Variants in CLDN16 observed in about 807,000 individuals in gnomAD.
CLDN16 encodes claudin-16.
CLDN16 carries 13 observed loss-of-function variants against 24.6 expected under a neutral mutation model. That is an observed-to-expected ratio of 0.53 (90% confidence interval 0.34 to 0.84). The LOEUF is 0.84. Ranked by LOEUF, CLDN16 falls within the 40% of genes least tolerant of loss-of-function variation. CLDN16 has a pLI of 0.01. For synonymous variants in CLDN16, 116 were observed against 106.7 expected (o/e 1.09, Z -0.54); for missense variants, 298 against 292.7 (o/e 1.02, Z -0.13).
intron 3 of CLDN16, among the ~76,000 whole-genome samples, chr3:190,407,202 T>G (rs1719128502): frequency 6.6e-6 from 1 of 152,156 alleles, no homozygotes; most frequent in African/African-American, 2.4e-5. Flanking sequence ...AGACAAATAT[T>G]TCTCTCATTA....
chr3:190,314,416 A>C, the CLDN16 span, among the ~76,000 whole-genome samples: 1 of 152,102 alleles, frequency 6.6e-6, no homozygotes, highest in African/African-American at 2.4e-5. Context: ...TTTTTTTGAG[A>C]TAGAGTCTTG....
chr3:190,383,053 A>C (rs1425113), intron 3 of CLDN16, among the ~76,000 whole-genome samples: 32,314 of 152,048 alleles, frequency 0.21, 4,040 homozygotes, highest in East Asian at 0.45. Context: ...AATCCACTAG[A>C]CAATAAAGAC....
chr3:190,351,446 A>G (rs1239330302), intron 1 of CLDN16, among the ~76,000 whole-genome samples: 2 of 152,168 alleles, frequency 1.3e-5, no homozygotes, highest in Non-Finnish European at 2.9e-5. Context: ...TTGAGAACCC[A>G]GATTAACACA....
Position 190,410,184 on chromosome 3 carries a change from A to G in CLDN16, c.*148A>G. On this transcript the variant is annotated 3_prime_UTR_variant, in exon 5 of 5. Transcript: ENST00000264734. ...CTTAATCAAAATGTTTGATTCTCCTATACTTTTTCTTTCTATTACTCTTAT... is the reference window on the plus strand; with the variant it reads ...CTTAATCAAAATGTTTGATTCTCCTGTACTTTTTCTTTCTATTACTCTTAT... The G allele has an allele frequency of 3.2e-6, 3 of 936,326 alleles. No homozygotes were observed. The highest frequency in any genetic ancestry group is 2.8e-4 in the Middle Eastern group (1 of 3,544). The allele number at this position is 936,326 out of a possible 1,614,324, so 58.0% of individuals were successfully genotyped here. A position where few individuals can be genotyped will look rare whatever the true frequency, so the allele number is the denominator to read the frequency against.
chr3:190,398,916 T>G (rs1718887875), intron 1 of CLDN16, among the ~76,000 whole-genome samples: 1 of 152,204 alleles, frequency 6.6e-6, no homozygotes, highest in Non-Finnish European at 1.5e-5. Context: ...TTACGTGTAA[T>G]GCACATATAA....
At chr3:190,384,007 G>A (rs1037459524), upstream of CLDN16, among the ~76,000 whole-genome samples, 4 of 152,072 alleles carry the variant, frequency 2.6e-5, no homozygotes, top group Non-Finnish European at 4.4e-5. Context: ...TGACAAGAAG[G>A]CAGCCTCAGA....
chr3:190,308,315 G>A, the CLDN16 span: 1 of 1,613,784 alleles, frequency 6.2e-7, no homozygotes, highest in South Asian at 1.1e-5. Context: ...GCAGGTTTTG[G>A]ATAGGGCCTT....
intron 1 of CLDN16, among the ~76,000 whole-genome samples, chr3:190,353,014 A>G (rs1265285638): frequency 6.6e-6 from 1 of 152,020 alleles, no homozygotes; most frequent in African/African-American, 2.4e-5. Context: ...TTTCCTCCTC[A>G]GCTCTTAATA....
upstream of CLDN16, among the ~76,000 whole-genome samples, chr3:190,385,305 T>G (rs1449643505): frequency 6.6e-6 from 1 of 152,206 alleles, no homozygotes; most frequent in East Asian, 1.9e-4. Context: ...CACAACACCC[T>G]ACACATTTCT....
chr3:190,300,019 A>C, the CLDN16 span, among the ~76,000 whole-genome samples: 1 of 152,232 alleles, frequency 6.6e-6, no homozygotes, highest in Non-Finnish European at 1.5e-5. Context: ...TCATCAAGGC[A>C]TCTGTCTACT....
chr3:190,297,566 A>G, the CLDN16 span, among the ~76,000 whole-genome samples: 1 of 131,814 alleles, frequency 7.6e-6, no homozygotes, highest in Admixed American at 9.2e-5. Context: ...TATATAATAT[A>G]TAGTATATAA....
chr3:190,377,956 C>G (rs1946323), intron 3 of CLDN16, among the ~76,000 whole-genome samples: 1 of 151,698 alleles, frequency 6.6e-6, no homozygotes, highest in East Asian at 2.0e-4. Flanking sequence ...AGAAATCTAG[C>G]AGAGAAAGAT....
At chr3:190,401,746 C>A (rs1211712324) in intron 1 of CLDN16, among the ~76,000 whole-genome samples, 1 of 152,038 alleles carries the variant, frequency 6.6e-6, no homozygotes, top group Non-Finnish European at 1.5e-5. Context: ...TATAATATAT[C>A]ATTGGAGCAA....
intron 1 of CLDN16, among the ~76,000 whole-genome samples, chr3:190,363,556 G>GTGTGTGTATATATATATA (rs1301414615): frequency 5.7e-5 from 5 of 87,400 alleles, no homozygotes; most frequent in African/African-American, 2.4e-4. Flanking sequence ...GTGTGTGTGT[G>GTGTGTGTATATATATATA]TATATATATA....
chr3:190,372,709 G>A (rs1465501518), intron 2 of CLDN16, among the ~76,000 whole-genome samples: 1 of 151,938 alleles, frequency 6.6e-6, no homozygotes, highest in African/African-American at 2.4e-5. Flanking sequence ...CCTGTGTAAT[G>A]TGGCCCTTTG....
intron 2 of CLDN16, among the ~76,000 whole-genome samples, chr3:190,404,530 A>G (rs947535030): frequency 4.6e-5 from 7 of 152,196 alleles, no homozygotes; most frequent in African/African-American, 9.7e-5. Flanking sequence ...GCATACCAAC[A>G]ACAAAACTAA....
intron 1 of CLDN16, among the ~76,000 whole-genome samples, chr3:190,366,702 A>T (rs1444041461): frequency 6.6e-6 from 1 of 151,922 alleles, no homozygotes; most frequent in Non-Finnish European, 1.5e-5. Flanking sequence ...GGGGGAAAGG[A>T]CCGTGACTCT....
the CLDN16 span, chr3:190,305,748 C>T: frequency 6.6e-6 from 1 of 152,124 alleles, no homozygotes; most frequent in African/African-American, 2.4e-5. Flanking sequence ...AAGAGTAATG[C>T]TTTATACAAA....
chr3:190,308,228 T>C, the CLDN16 span: 2 of 1,601,850 alleles, frequency 1.2e-6, no homozygotes, highest in South Asian at 1.1e-5. Context: ...AGTATCTCAA[T>C]GTCCATTTTC....
Sources: allele counts gnomAD v4.1 joint callset (sites outside exome capture counted in the v4.1 genomes callset), GRCh38; gene constraint gnomAD v4.1.1; transcripts MANE v1.5; gene names NCBI Gene and HGNC (gene_info 2026-07-23, HGNC 2026-07-21).